Variants in CTBP1 observed in about 807,000 individuals in gnomAD.
CTBP1 encodes C-terminal-binding protein 1.
In CTBP1, 11 loss-of-function variants were observed where a neutral mutation model predicts 42.1. That is an observed-to-expected ratio of 0.26 (90% CI 0.16 to 0.43). The LOEUF is 0.43. Among genes scored for constraint, CTBP1 ranks in the 20% least tolerant of loss-of-function variants. CTBP1 has a pLI of 1.00. For synonymous variants in CTBP1, 324 were observed against 277.1 expected (o/e 1.17, Z -1.68); for missense variants, 399 against 624.3 (o/e 0.64, Z 3.85).
At chr4:1,244,064 C>T (rs1732460800) in intron 1 of CTBP1, 3 of 985,438 alleles carry the variant, frequency 3.0e-6, no homozygotes, top group Non-Finnish European at 3.6e-6. Flanking sequence ...GGGCAGCAGC[C>T]CCCAGGTTCT....
rs1198714863 is a variant in CTBP1 at position 1,227,189 on chromosome 4, CGTGTTCCATGA to C, written c.307+999_307+1009del. On this transcript the variant is annotated intron_variant, in intron 4 of 9. Coordinates refer to ENST00000382952, the MANE Select transcript of CTBP1 (RefSeq NM_001012614.2). ...GTGTAGGTGCACGGGTGCAGACGTG[CGTGTTCCATGA>C]GTGTTCCATATGCTGAGTGCACAAG... 4.7e-5 allele frequency among the ~76,000 whole-genome samples: 7 copies of C among 149,742 alleles called. No homozygotes were observed. The East Asian group carries it at 1.2e-3, about 26-fold the overall frequency.
chr4:1,225,418 G>A lies in CTBP1; in HGVS notation c.456C>T (p.Arg152=), dbSNP rs573418618. ...GTRVQSVEQI[R]EVASGAARIR... ...TCCTGGCAGCGCCGGACGCCACCTC[G>A]CGGATCTGCTCGACGCTCTGGACTC... Residue 152 remains arginine, a synonymous_variant, in exon 5 of 10, where the codon CGC becomes CGT. Coordinates refer to ENST00000382952, the MANE Select transcript of CTBP1 (RefSeq NM_001012614.2). 1.2e-5 allele frequency: 18 copies of A among 1,563,986 alleles called. No homozygotes were observed. Among genetic ancestry groups the A allele is most frequent in the African/African-American group, 1.1e-4 (8 of 73,668 alleles).
intron 1 of CTBP1, among the ~76,000 whole-genome samples, chr4:1,247,550 C>G (rs561965199): frequency 1.3e-5 from 2 of 152,276 alleles, no homozygotes; most frequent in African/African-American, 2.4e-5. Flanking sequence ...ACCCCCAAAC[C>G]GCAGCTGTCA....
rs1729100381 is a variant in CTBP1 at position 1,216,244 on chromosome 4, C to CTTT, written c.515-40_515-39insAAA. 1.9e-6 allele frequency: 3 copies of CTTT among 1,574,468 alleles called. No individual in the cohort carries two copies. In the African/African-American group the frequency reaches 4.1e-5, roughly 21 times the overall value. ...GACACAGTGTGAGACCCTTGCTCAC[C>CTTT]CGTGGCCGGGAGGCCGGCCCCGAAA... On this transcript the variant is annotated intron_variant, in intron 5 of 9. Transcript: ENST00000382952.
intron 5 of CTBP1, 198 bp from the exon 6 acceptor site, chr4:1,216,403 G>A (rs1729120669): frequency 1.6e-6 from 1 of 614,806 alleles, no homozygotes; most frequent in Admixed American, 2.9e-5. Flanking sequence ...CACTGCCAAG[G>A]CGGAGGAGAT....
At position 1,216,171 on chromosome 4, in the gene CTBP1, C is replaced by T. The variant is rs768461350; in HGVS notation, c.549G>A (p.Lys183=). Residue 183 remains lysine, a synonymous_variant, in exon 6 of 10, where the codon AAG becomes AAA. Coordinates refer to ENST00000382952, the MANE Select transcript of CTBP1 (RefSeq NM_001012614.2). ...RVGQAVALRA[K]AFGFNVLFYD... ...AGAAGAGCACGTTGAAGCCGAAGGC[C>T]TTGGCCCGCAGCGCCACTGCCTGCC... 1.9e-6 allele frequency: 3 copies of T among 1,610,776 alleles called. No individual in the cohort carries two copies. Among genetic ancestry groups the T allele is most frequent in the Non-Finnish European group, 2.5e-6 (3 of 1,179,800 alleles).
In CTBP1 at chr4:1,216,102, C is replaced by A. The variant is rs1161301505; in HGVS notation, c.618G>T (p.Leu206=). 1 of 1,611,426 alleles carries A rather than the reference C, an allele frequency of 6.2e-7. No individual in the cohort carries two copies. Among genetic ancestry groups the A allele is most frequent in the African/African-American group, 1.3e-5 (1 of 75,006 alleles). Residue 206 remains leucine (L), a synonymous_variant, in exon 6 of 10, where the codon CTG becomes CTT. Coordinates refer to ENST00000382952, the MANE Select transcript of CTBP1 (RefSeq NM_001012614.2). ...GGTCCTGCAGGGTGCTGACACGCTG[C>A]AGCCCCAGCGCCCGCTCCACGCCAT... is the stretch of plus-strand genomic sequence containing the variant. ...LSDGVERALG[L]QRVSTLQDLL...
chr4:1,221,357 A>G (rs533848886), intron 5 of CTBP1: 3 of 152,552 alleles, frequency 2.0e-5, no homozygotes, highest in Admixed American at 2.0e-4. Flanking sequence ...GACTCCTTCC[A>G]GGCGAAACAA....
chr4:1,213,678 C>G (rs1402520959), intron 7 of CTBP1, 73 bp from the exon 8 acceptor site: 3 of 1,543,572 alleles, frequency 1.9e-6, no homozygotes, highest in Non-Finnish European at 1.7e-6. Flanking sequence ...TGGCTGGGCA[C>G]TGGAACCCCC....
chr4:1,237,435 T>C, intron 3 of CTBP1: 1 of 681,830 alleles, frequency 1.5e-6, no homozygotes, highest in Non-Finnish European at 2.7e-6. Context: ...AAACCCCGTG[T>C]CCACCTCCTG....
Position 1,248,929 on chromosome 4 carries a change from C to T in CTBP1, c.-202G>A, listed in dbSNP as rs1483522609. On this transcript the variant is annotated 5_prime_UTR_variant, in exon 1 of 10. Coordinates refer to ENST00000382952, the MANE Select transcript of CTBP1 (RefSeq NM_001012614.2). ...GCGCGGCCTTACCAAGCGGCAGGCC[C>T]TTGTTGAGCAAGTGCGAGCTGCCCA... 21 of 1,012,346 alleles carry T rather than the reference C, an allele frequency of 2.1e-5. No homozygotes were observed. The highest frequency in any genetic ancestry group is 2.4e-5 in the Non-Finnish European group (20 of 841,284). The allele number at this position is 1,012,346 out of a possible 1,614,324, so 62.7% of individuals were successfully genotyped here.
chr4:1,212,472 C>G (rs879913383), intron 9 of CTBP1, 49 bp from the exon 10 acceptor site: 86 of 1,378,344 alleles, frequency 6.2e-5, no homozygotes, highest in Non-Finnish European at 7.7e-5. Flanking sequence ...GCGGCCTGGC[C>G]AGGCCCCACC....
At chr4:1,244,961 C>G in intron 1 of CTBP1, 1 of 985,450 alleles carries the variant, frequency 1.0e-6, no homozygotes. Context: ...AAAACTGAGG[C>G]CCTGCCCTGC....
chr4:1,248,570 G>A (rs1336394259), intron 1 of CTBP1: 2 of 573,908 alleles, frequency 3.5e-6, no homozygotes, highest in African/African-American at 4.1e-5. Flanking sequence ...ATCGGGACCC[G>A]GGGTGCCGTC....
chr4:1,214,636 G>A (rs777036444), intron 6 of CTBP1, among the ~76,000 whole-genome samples, 163 bp from the exon 7 acceptor site: 10 of 152,364 alleles, frequency 6.6e-5, no homozygotes, highest in Admixed American at 5.2e-4. Context: ...GGCCTCGGGC[G>A]TGCTGCACCG....
intron 7 of CTBP1, chr4:1,213,988 G>A: frequency 2.5e-6 from 1 of 400,928 alleles, no homozygotes; most frequent in South Asian, 4.0e-5. Context: ...GCTGCCTGGG[G>A]TCCCAAGGTG....
chr4:1,214,267 G>A (rs1434405634), intron 7 of CTBP1, 76 bp downstream of exon 7: 6 of 1,444,398 alleles, frequency 4.2e-6, no homozygotes, highest in African/African-American at 1.5e-5. Context: ...GCCTGGCAGA[G>A]GCGCCGTCTG....
chr4:1,238,722 C>A lies in CTBP1; in HGVS notation c.8-385G>T, dbSNP rs3775099. ...ATCTCCAGACCCTCTGAGAACCTCC[C>A]AGACCCTCTGAGACTCCCCAAGACA... On this transcript the variant is annotated intron_variant, in intron 2 of 9. Transcript: ENST00000382952. This position sits in a 1 kb window ranked among gnomAD's most constrained non-coding sequence, Gnocchi z 5.9. 2.0e-5 allele frequency among the ~76,000 whole-genome samples: 3 copies of A among 149,656 alleles called. No individual in the cohort carries two copies. Among genetic ancestry groups the A allele is most frequent in the Non-Finnish European group, 4.5e-5 (3 of 67,240 alleles).
chr4:1,229,585 C>T (rs929492228), intron 3 of CTBP1, among the ~76,000 whole-genome samples: 8 of 152,200 alleles, frequency 5.3e-5, no homozygotes, highest in African/African-American at 1.2e-4. Flanking sequence ...CCCTTCCTGC[C>T]GAGCATGGAG....
Sources: allele counts gnomAD v4.1 joint callset (sites outside exome capture counted in the v4.1 genomes callset), GRCh38; gene constraint gnomAD v4.1.1; non-coding constraint Gnocchi (gnomAD v3.1); transcripts MANE v1.5; gene names NCBI Gene and HGNC (gene_info 2026-07-23, HGNC 2026-07-21).